Variants in EBF2 observed in about 807,000 individuals in gnomAD.
The protein encoded by EBF2 is transcription factor COE2.
In EBF2, 21 loss-of-function variants were observed where a neutral mutation model predicts 72.8. The observed-to-expected ratio is 0.29, with a 90% CI of 0.20 to 0.42. The LOEUF (loss-of-function observed/expected upper bound fraction) is 0.42. Ranked by LOEUF, EBF2 falls within the 10% of genes least tolerant of loss-of-function variation. The pLI, the probability that EBF2 is intolerant of heterozygous loss-of-function variation, is 1.00. For missense variants in EBF2, 637 were observed against 731.2 expected (o/e 0.87, Z 1.49); for synonymous variants, 299 against 274.2 (o/e 1.09, Z -0.89).
At chr8:25,980,851 G>GTGTCAT (rs1804350791) in intron 6 of EBF2, among the ~76,000 whole-genome samples, 1 of 151,598 alleles carries the variant, frequency 6.6e-6, no homozygotes, top group African/African-American at 2.4e-5. Flanking sequence ...TGGGGGAGGG[G>GTGTCAT]TGTCATTGGG....
chr8:25,880,714 T>A (rs997211639), intron 10 of EBF2, among the ~76,000 whole-genome samples: 1 of 152,228 alleles, frequency 6.6e-6, no homozygotes, highest in African/African-American at 2.4e-5. Flanking sequence ...TTTTAGCACC[T>A]TTCCTTCCCA....
At chr8:25,869,898 G>A (rs752522012) in intron 10 of EBF2, among the ~76,000 whole-genome samples, 3 of 152,134 alleles carry the variant, frequency 2.0e-5, no homozygotes, top group Non-Finnish European at 4.4e-5. Flanking sequence ...CATTTTCAAT[G>A]CAGTCCCAAG....
chr8:25,896,798 T>C (rs1387411002), intron 7 of EBF2, among the ~76,000 whole-genome samples: 1 of 152,202 alleles, frequency 6.6e-6, no homozygotes, highest in South Asian at 2.1e-4. Flanking sequence ...GTGAATCTAA[T>C]GACACAGTTT....
At chr8:25,989,361 C>T (rs1804510682) in intron 6 of EBF2, among the ~76,000 whole-genome samples, 1 of 152,122 alleles carries the variant, frequency 6.6e-6, no homozygotes, top group Admixed American at 6.6e-5. Flanking sequence ...AAGGTTTTGG[C>T]TTGCAATACA....
At chr8:25,909,406 TAA>T (rs5890265) in intron 6 of EBF2, among the ~76,000 whole-genome samples, 2 of 147,440 alleles carry the variant, frequency 1.4e-5, no homozygotes, top group Non-Finnish European at 1.5e-5. Context: ...TCCTTTCCCT[TAA>T]AAAAAAAAAA....
intron 6 of EBF2, among the ~76,000 whole-genome samples, chr8:25,993,074 A>T (rs2117211827): frequency 6.6e-6 from 1 of 152,208 alleles, no homozygotes; most frequent in Admixed American, 6.5e-5. Flanking sequence ...TACGGACACC[A>T]AAGGCTCTCA....
At chr8:25,925,421 T>C (rs1803370169) in intron 6 of EBF2, among the ~76,000 whole-genome samples, 1 of 152,032 alleles carries the variant, frequency 6.6e-6, no homozygotes, top group African/African-American at 2.4e-5. Flanking sequence ...AAGTGTATCA[T>C]GCAGACATAC....
rs1285323945 is a variant in EBF2, at chr8:25,857,920, C to T, written c.1528+399G>A. 4 of 349,728 alleles carry T rather than the reference C, an allele frequency of 1.1e-5. No homozygotes were observed. In the East Asian group the frequency reaches 3.0e-4, roughly 26 times the overall value. The allele number at this position is 349,728 out of a possible 1,614,324, so 21.7% of individuals were successfully genotyped here. A position where few individuals can be genotyped will look rare whatever the true frequency, so the allele number is the denominator to read the frequency against. ...GTCAGAAAACTGCAGCAAAGCCAAA[C>T]TTCCTTGTCTATAACATGAAGAAAA... On this transcript the variant is annotated intron_variant, in intron 14 of 15. Transcript: ENST00000520164.
chr8:25,996,541 G>A (rs1314781613), intron 6 of EBF2, among the ~76,000 whole-genome samples: 1 of 151,586 alleles, frequency 6.6e-6, no homozygotes, highest in Non-Finnish European at 1.5e-5. Flanking sequence ...AAAAATCATG[G>A]CCAAAACTGC....
chr8:25,957,063 C>T (rs1803960883), intron 6 of EBF2, among the ~76,000 whole-genome samples: 1 of 152,144 alleles, frequency 6.6e-6, no homozygotes, highest in Admixed American at 6.5e-5. Context: ...GCTTTTAAAA[C>T]CCCAGAATGT....
At chr8:25,983,146 A>G (rs1307227424) in intron 6 of EBF2, among the ~76,000 whole-genome samples, 3 of 152,146 alleles carry the variant, frequency 2.0e-5, no homozygotes. Flanking sequence ...ACTCCCATAT[A>G]TCAAAAATAG....
At chr8:25,898,253 C>T (rs187215828) in intron 7 of EBF2, among the ~76,000 whole-genome samples, 39 of 152,168 alleles carry the variant, frequency 2.6e-4, no homozygotes, top group East Asian at 2.3e-3. Flanking sequence ...TAAGAACAGA[C>T]CTTGAAGAAC....
chr8:25,926,480 C>G (rs1200719551), intron 6 of EBF2, among the ~76,000 whole-genome samples: 3 of 152,148 alleles, frequency 2.0e-5, no homozygotes, highest in African/African-American at 4.8e-5. Flanking sequence ...AAGACTCTTG[C>G]CTCTGTGAGC....
At chr8:25,993,029 C>G (rs543702423) in intron 6 of EBF2, among the ~76,000 whole-genome samples, 120 of 152,184 alleles carry the variant, frequency 7.9e-4, no homozygotes, top group Non-Finnish European at 1.0e-3. Flanking sequence ...TCCCTGCCCC[C>G]ACCTCCTTCA....
At chr8:25,946,188 C>T (rs941594889) in intron 6 of EBF2, among the ~76,000 whole-genome samples, 1 of 152,228 alleles carries the variant, frequency 6.6e-6, no homozygotes, top group African/African-American at 2.4e-5. Flanking sequence ...TCTCATCAAT[C>T]ACTGTATGTG....
chr8:25,884,172 C>A (rs1257886904), intron 10 of EBF2, among the ~76,000 whole-genome samples: 1 of 152,164 alleles, frequency 6.6e-6, no homozygotes, highest in Non-Finnish European at 1.5e-5. Context: ...CCACTCCAGC[C>A]ATACTGGCAT....
intron 6 of EBF2, among the ~76,000 whole-genome samples, chr8:25,945,527 G>T (rs1803754371): frequency 6.6e-6 from 1 of 151,802 alleles, no homozygotes; most frequent in Admixed American, 6.6e-5. Context: ...GGTGTCTCTT[G>T]TCCCAAGTAC....
chr8:25,941,040 T>C (rs915836290), intron 6 of EBF2, among the ~76,000 whole-genome samples: 30 of 152,214 alleles, frequency 2.0e-4, no homozygotes, highest in Non-Finnish European at 2.9e-5. Context: ...ATCCTTTTTA[T>C]TGATAGGGCA....
intron 6 of EBF2, among the ~76,000 whole-genome samples, chr8:25,980,409 A>G (rs879304234): frequency 2.0e-5 from 3 of 152,188 alleles, no homozygotes; most frequent in Non-Finnish European, 4.4e-5. Flanking sequence ...CATTGCAACA[A>G]TGGTAAGCGT....
Sources: allele counts gnomAD v4.1 joint callset (sites outside exome capture counted in the v4.1 genomes callset), GRCh38; gene constraint gnomAD v4.1.1; transcripts MANE v1.5; gene names NCBI Gene and HGNC (gene_info 2026-07-23, HGNC 2026-07-21).